The following KIFAP3 variants were observed in gnomAD, a reference collection of about 807,000 sequenced individuals.
KIFAP3 encodes the protein kinesin-associated protein 3.
Under a neutral mutation model 106.5 loss-of-function variants are expected in KIFAP3, and 68 were observed. The observed-to-expected ratio is 0.64, with a 90% CI of 0.53 to 0.78. KIFAP3 has a LOEUF of 0.78. Ranked by LOEUF, KIFAP3 falls within the 30% of genes least tolerant of loss-of-function variation. KIFAP3 has a pLI of 0.00. For missense variants in KIFAP3, 780 were observed against 941.8 expected (o/e 0.83, Z 2.25); for synonymous variants, 320 against 311.5 (o/e 1.03, Z -0.29).
chr1:169,931,588 T>C (rs1490278835), intron 19 of KIFAP3, among the ~76,000 whole-genome samples: 1 of 152,228 alleles, frequency 6.6e-6, no homozygotes, highest in Non-Finnish European at 1.5e-5. Context: ...CAATGCTTCA[T>C]TTCATACCAC....
chr1:169,988,390 G>T (rs373233520), intron 11 of KIFAP3, among the ~76,000 whole-genome samples: 153 of 151,942 alleles, frequency 1.0e-3, no homozygotes, highest in African/African-American at 3.3e-3. Flanking sequence ...TCATTGAAAT[G>T]AATATGAATT....
chr1:170,024,783 G>T (rs1669025783), intron 8 of KIFAP3, 187 bp from the exon 9 acceptor site: 1 of 342,718 alleles, frequency 2.9e-6, no homozygotes, highest in Middle Eastern at 7.8e-4. Flanking sequence ...ATATGTGTTT[G>T]TGTGTGTGTG....
rs556852907 is a variant in KIFAP3 at position 170,055,196 on chromosome 1, T to G, written c.164+109A>C. ...CTCCTTCACTAAGATGAAGTATGCC[T>G]GGAAGAATGCCATAATTAATCACCT... On this transcript the variant is annotated intron_variant, in intron 2 of 19. Coordinates refer to ENST00000361580, the MANE Select transcript of KIFAP3 (RefSeq NM_014970.4). 3.3e-6 allele frequency: 3 copies of G among 916,740 alleles called. No individual in the cohort carries two copies. In the African/African-American group the frequency reaches 5.1e-5, roughly 16 times the overall value. The allele number at this position is 916,740 out of a possible 1,614,324, so 56.8% of individuals were successfully genotyped here.
chr1:169,950,574 T>C (rs655133), intron 19 of KIFAP3, among the ~76,000 whole-genome samples: 142,220 of 152,096 alleles, frequency 0.94, 66,585 homozygotes, highest in East Asian at 0.99. Flanking sequence ...TTTTTCAATA[T>C]GTAAAGATCA....
intron 17 of KIFAP3, among the ~76,000 whole-genome samples, chr1:169,964,113 T>C (rs1224133431): frequency 6.6e-6 from 1 of 152,174 alleles, no homozygotes; most frequent in African/African-American, 2.4e-5. Flanking sequence ...AGTGACTGAA[T>C]GTGATGGTAA....
intron 19 of KIFAP3, among the ~76,000 whole-genome samples, chr1:169,930,748 G>GT (rs900901371): frequency 7.2e-5 from 11 of 152,018 alleles, no homozygotes; most frequent in African/African-American, 1.9e-4. Context: ...TCCGGTTGGT[G>GT]TTTTTTTGTC....
chr1:169,929,727 A>G (rs181217715), intron 19 of KIFAP3, among the ~76,000 whole-genome samples: 10 of 152,236 alleles, frequency 6.6e-5, no homozygotes, highest in African/African-American at 2.2e-4. Flanking sequence ...CATCTTAAAG[A>G]ATCTTATTCT....
intron 2 of KIFAP3, among the ~76,000 whole-genome samples, chr1:170,052,234 A>G (rs780927126): frequency 6.6e-6 from 1 of 152,220 alleles, no homozygotes; most frequent in Non-Finnish European, 1.5e-5. Context: ...CAGAAAATCT[A>G]TAAGAAATGA....
At chr1:170,016,413 G>C in intron 10 of KIFAP3, 49 bp downstream of exon 10, 1 of 1,471,132 alleles carries the variant, frequency 6.8e-7, no homozygotes, top group Non-Finnish European at 9.3e-7. Context: ...ATTTTCCAGC[G>C]ATGTTGGAAA....
chr1:170,005,048 G>A (rs1316435740), intron 10 of KIFAP3, among the ~76,000 whole-genome samples: 2 of 151,984 alleles, frequency 1.3e-5, no homozygotes, highest in East Asian at 1.9e-4. Flanking sequence ...GTGGGCAAAG[G>A]ATATGAACAG....
intron 19 of KIFAP3, among the ~76,000 whole-genome samples, chr1:169,943,636 T>C (rs1451182278): frequency 3.3e-5 from 5 of 152,182 alleles, no homozygotes; most frequent in African/African-American, 1.2e-4. Context: ...TTAAAAATCA[T>C]TTTTGTTTTT....
intron 1 of KIFAP3, among the ~76,000 whole-genome samples, chr1:170,062,880 C>CT (rs71765962): frequency 0.065 from 9,759 of 149,156 alleles, 403 homozygotes; most frequent in Non-Finnish European, 0.098. Flanking sequence ...TATTTATAGT[C>CT]TTTTTTTTTT....
At chr1:170,065,212 AC>A (rs1356136008) in intron 1 of KIFAP3, among the ~76,000 whole-genome samples, 1 of 152,140 alleles carries the variant, frequency 6.6e-6, no homozygotes, top group Non-Finnish European at 1.5e-5. Context: ...TCTTATGCTT[AC>A]TGTTTGATTG....
At chr1:170,007,117 T>C (rs1249381806) in intron 10 of KIFAP3, among the ~76,000 whole-genome samples, 1 of 152,056 alleles carries the variant, frequency 6.6e-6, no homozygotes, top group Non-Finnish European at 1.5e-5. Context: ...GTAATATGAG[T>C]ACTAGGAATT....
chr1:169,983,171 T>C (rs1666617393), intron 13 of KIFAP3, 99 bp downstream of exon 13: 3 of 708,510 alleles, frequency 4.2e-6, no homozygotes, highest in Non-Finnish European at 7.0e-6. Flanking sequence ...ATTTGGATTA[T>C]AAATTAATAT....
At chr1:169,962,954 T>C (rs1665413496) in intron 17 of KIFAP3, among the ~76,000 whole-genome samples, 1 of 152,210 alleles carries the variant, frequency 6.6e-6, no homozygotes, top group Non-Finnish European at 1.5e-5. Context: ...AACTTGATTT[T>C]CTTTTTAATT....
intron 2 of KIFAP3, among the ~76,000 whole-genome samples, chr1:170,050,811 C>T (rs552273914): frequency 1.3e-5 from 2 of 152,264 alleles, no homozygotes; most frequent in South Asian, 4.1e-4. Context: ...TCTGTCACAA[C>T]CAAGCCTGCC....
intron 17 of KIFAP3, among the ~76,000 whole-genome samples, chr1:169,968,660 G>T (rs1385919829): frequency 6.6e-6 from 1 of 151,702 alleles, no homozygotes; most frequent in East Asian, 1.9e-4. Flanking sequence ...ACATAATAAA[G>T]TTGATTTTTA....
intron 1 of KIFAP3, among the ~76,000 whole-genome samples, chr1:170,056,300 T>A (rs989119812): frequency 1.3e-5 from 2 of 152,220 alleles, no homozygotes; most frequent in African/African-American, 2.4e-5. Flanking sequence ...ACAGGTTAGG[T>A]ACGCTGTATA....
Sources: gnomAD v4.1 joint callset for allele counts (sites outside exome capture counted in the v4.1 genomes callset) on GRCh38, gnomAD v4.1.1 for gene constraint, MANE v1.5 for transcripts, NCBI Gene and HGNC (gene_info 2026-07-23, HGNC 2026-07-21) for gene names.